The following SLC31A1 variants were observed in gnomAD, a reference collection of about 807,000 sequenced individuals.
SLC31A1 encodes high affinity copper uptake protein 1.
SLC31A1 carries 5 observed loss-of-function variants against 17.2 expected under a neutral mutation model. That is an observed-to-expected ratio of 0.29 (90% CI 0.15 to 0.61). The LOEUF (loss-of-function observed/expected upper bound fraction) is 0.61, where lower values mean the gene tolerates loss of function less well. SLC31A1 is among the 20% of genes least tolerant of loss of function. SLC31A1 has a pLI of 0.86. For missense variants in SLC31A1, 161 were observed against 241.4 expected (o/e 0.67, Z 2.21); for synonymous variants, 76 against 78.8 (o/e 0.96, Z 0.19).
intron 4 of SLC31A1, 113 bp from the exon 5 acceptor site, chr9:113,260,159 C>T: frequency 1.2e-6 from 1 of 867,762 alleles, no homozygotes; most frequent in Non-Finnish European, 2.0e-6. Flanking sequence ...CCATGAGTTG[C>T]CAGAGTGGCT....
intron 1 of SLC31A1, among the ~76,000 whole-genome samples, chr9:113,241,116 G>A (rs914771344): frequency 6.6e-6 from 1 of 151,760 alleles, no homozygotes; most frequent in Non-Finnish European, 1.5e-5. Context: ...ACATATGAAT[G>A]TGAAGCGGAG....
At chr9:113,250,429 C>CA (rs908798856) in intron 1 of SLC31A1, among the ~76,000 whole-genome samples, 31 of 148,790 alleles carry the variant, frequency 2.1e-4, no homozygotes, top group African/African-American at 7.7e-4. Context: ...ATCGCAAGAA[C>CA]AAAAAACCAA....
rs568849490 is a variant in SLC31A1 at position 113,228,461 on chromosome 9, AGTTT to A, written c.-36+6793_-36+6796del. On this transcript the variant is annotated intron_variant, in intron 1 of 4. Transcript: ENST00000374212. Reference sequence around the variant, plus strand: ...CATTACATAACTAAAAGACCTTTTCAGTTTGTTTGTTTGACATATCAAATTTGAG... The same window carrying A: ...CATTACATAACTAAAAGACCTTTTCAGTTTGTTTGACATATCAAATTTGAG... Among the ~76,000 whole-genome samples, 7 of 152,216 alleles carry A rather than the reference AGTTT, an allele frequency of 4.6e-5. No homozygotes were observed. The South Asian group carries it at 1.2e-3, about 27-fold the overall frequency.
chr9:113,221,804 G>C (rs1831276698), intron 1 of SLC31A1, 126 bp downstream of exon 1: 1 of 180,186 alleles, frequency 5.5e-6, no homozygotes, highest in Non-Finnish European at 1.2e-5. Flanking sequence ...CGGGACTGGA[G>C]GGTTAAAGAC....
rs1413903922 is a variant in SLC31A1, at chr9:113,221,630, G to T, written c.-84G>T. On this transcript the variant is annotated 5_prime_UTR_variant, in exon 1 of 5. Transcript: ENST00000374212. ...TCGAAGAGTCGTGAGGGGGTGACGGGTTAAGATTCGGAGAGAGAGGTGCTA... is the reference window on the plus strand; with the variant it reads ...TCGAAGAGTCGTGAGGGGGTGACGGTTTAAGATTCGGAGAGAGAGGTGCTA... 1 of 364,186 alleles carries T rather than the reference G, an allele frequency of 2.7e-6. No homozygotes were observed. The highest frequency in any genetic ancestry group is 4.0e-5 in the Admixed American group (1 of 24,902). 22.6% of individuals were successfully genotyped at this position (364,186 alleles called of 1,614,324 possible). A position where few individuals can be genotyped will look rare whatever the true frequency, so the allele number is the denominator to read the frequency against.
intron 1 of SLC31A1, among the ~76,000 whole-genome samples, chr9:113,228,062 A>G (rs1831361530): frequency 6.6e-6 from 1 of 152,202 alleles, no homozygotes; most frequent in South Asian, 2.1e-4. Flanking sequence ...ATACTATGAG[A>G]TTGGCAGCGT....
intron 1 of SLC31A1, among the ~76,000 whole-genome samples, chr9:113,237,804 A>G: frequency 6.6e-6 from 1 of 152,232 alleles, no homozygotes; most frequent in East Asian, 1.9e-4. Flanking sequence ...AGCGTGCATG[A>G]AAGCAAAAGT....
At chr9:113,228,031 A>T (rs1335410680) in intron 1 of SLC31A1, among the ~76,000 whole-genome samples, 4 of 152,210 alleles carry the variant, frequency 2.6e-5, no homozygotes, top group Non-Finnish European at 5.9e-5. Context: ...AGTATTTAAC[A>T]TATTTTATTT....
At chr9:113,260,196 A>G in intron 4 of SLC31A1, 76 bp from the exon 5 acceptor site, 2 of 1,307,798 alleles carry the variant, frequency 1.5e-6, no homozygotes, top group South Asian at 1.2e-5. Flanking sequence ...GCTCATGGCA[A>G]GAACTCTTCC....
intron 1 of SLC31A1, among the ~76,000 whole-genome samples, chr9:113,226,973 A>G (rs1443314360): frequency 6.6e-6 from 1 of 152,176 alleles, no homozygotes; most frequent in Non-Finnish European, 1.5e-5. Context: ...TGCATAATCT[A>G]TACCTTAGTA....
intron 1 of SLC31A1, among the ~76,000 whole-genome samples, chr9:113,245,983 C>G (rs1831573456): frequency 1.3e-5 from 2 of 151,898 alleles, no homozygotes; most frequent in Non-Finnish European, 2.9e-5. Flanking sequence ...CTTTGTTTTC[C>G]TACATCTCCT....
rs910832671 is a variant in SLC31A1 at position 113,256,187 on chromosome 9, C to T, written c.39C>T (p.Asp13=). ...HSHHMGMSYM[D]SNSTMQPSHH... ...ACCATATGGGGATGAGCTATATGGACTCCAACAGTACCATGCAACCTTCTC... is the reference window on the plus strand; with the variant it reads ...ACCATATGGGGATGAGCTATATGGATTCCAACAGTACCATGCAACCTTCTC... The change falls in exon 2 of 5, where the codon GAC becomes GAT. Residue 13 remains aspartate, a synonymous_variant. Coordinates refer to ENST00000374212, the MANE Select transcript of SLC31A1 (RefSeq NM_001859.4). 1 of 1,612,820 alleles carries T rather than the reference C, an allele frequency of 6.2e-7. No individual in the cohort carries two copies. Among genetic ancestry groups the T allele is most frequent in the Non-Finnish European group, 8.5e-7 (1 of 1,179,962 alleles).
At chr9:113,239,390 G>A (rs1404624361) in intron 1 of SLC31A1, among the ~76,000 whole-genome samples, 6 of 152,090 alleles carry the variant, frequency 3.9e-5, no homozygotes, top group Admixed American at 6.6e-5. Context: ...TCTTCCTAAA[G>A]TTTTAACAGA....
intron 1 of SLC31A1, among the ~76,000 whole-genome samples, chr9:113,233,552 C>T (rs959018971): frequency 2.6e-5 from 4 of 152,182 alleles, no homozygotes; most frequent in Non-Finnish European, 5.9e-5. Flanking sequence ...TATTTAATTT[C>T]CCCTCCCTCT....
In SLC31A1 at chr9:113,255,662, C is replaced by G. The variant is rs1587996136; in HGVS notation, c.-35-452C>G. Among the ~76,000 whole-genome samples the G allele has an allele frequency of 3.3e-5, 5 of 152,104 alleles. No individual in the cohort carries two copies. In the South Asian group the frequency reaches 6.2e-4, roughly 19 times the overall value. The stretch of plus-strand genomic sequence containing the variant: ...TTGCACTCCAGCCTGGGTGATGGAG[C>G]AAGACCCTGTCTCAAAAAAAAAGGA... On this transcript the variant is annotated intron_variant, in intron 1 of 4. Transcript: ENST00000374212.
At chr9:113,230,427 T>C (rs1369093889) in intron 1 of SLC31A1, among the ~76,000 whole-genome samples, 5 of 152,160 alleles carry the variant, frequency 3.3e-5, no homozygotes, top group Admixed American at 3.3e-4. Context: ...CTGGCTACTT[T>C]TCTTGATTTT....
intron 1 of SLC31A1, chr9:113,223,325 CCT>C: frequency 9.0e-6 from 3 of 334,568 alleles, no homozygotes; most frequent in South Asian, 2.1e-5. Flanking sequence ...ACTGGGTGCA[CCT>C]AAAAAAAAAA....
chr9:113,232,941 T>G (rs1030466580), intron 1 of SLC31A1, among the ~76,000 whole-genome samples: 1 of 152,108 alleles, frequency 6.6e-6, no homozygotes, highest in East Asian at 1.9e-4. Flanking sequence ...ATACCATATA[T>G]AGAGAGAACA....
At chr9:113,256,881 T>TAAAAGTTGATGGTGGGGGCCCAGGAG (rs1405270052) in intron 2 of SLC31A1, among the ~76,000 whole-genome samples, 1 of 143,402 alleles carries the variant, frequency 7.0e-6, no homozygotes, top group South Asian at 2.2e-4. Flanking sequence ...AAAAAAAAGA[T>TAAAAGTTGATGGTGGGGGCCCAGGAG]AAAAGTTGAT....
Sources: allele counts gnomAD v4.1 joint callset (sites outside exome capture counted in the v4.1 genomes callset), GRCh38; gene constraint gnomAD v4.1.1; transcripts MANE v1.5; gene names NCBI Gene and HGNC (gene_info 2026-07-23, HGNC 2026-07-21).